Variants in PARG observed in about 807,000 individuals in gnomAD.
PARG encodes the protein poly(ADP-ribose) glycohydrolase.
A neutral mutation model predicts 113.0 loss-of-function variants in PARG; 35 were observed. That is an observed-to-expected ratio of 0.31 (90% confidence interval 0.24 to 0.41). The LOEUF is 0.41. Among genes scored for constraint, PARG ranks in the 10% least tolerant of loss-of-function variants. The pLI, the probability that PARG is intolerant of heterozygous loss-of-function variation, is 1.00. For missense variants in PARG, 797 were observed against 1,169.4 expected, an observed-to-expected ratio of 0.68 and a Z score of 4.64; for synonymous variants, 330 against 409.9, an observed-to-expected ratio of 0.81 and a Z score of 2.36.
chr10:49,877,041 T>C (rs1460838921), intron 9 of PARG, among the ~76,000 whole-genome samples: 1 of 149,672 alleles, frequency 6.7e-6, no homozygotes, highest in Non-Finnish European at 1.5e-5. Context: ...TTAGTGTTGA[T>C]AGTAGAGGGT....
chr10:49,894,248 C>G (rs1394620787), intron 7 of PARG, among the ~76,000 whole-genome samples: 2 of 148,268 alleles, frequency 1.3e-5, no homozygotes, highest in Non-Finnish European at 3.0e-5. Context: ...CCCTATGTTG[C>G]CCAGGTTGGC....
At chr10:49,912,696 G>T (rs782201121) in intron 7 of PARG, among the ~76,000 whole-genome samples, 1 of 152,094 alleles carries the variant, frequency 6.6e-6, no homozygotes, top group Non-Finnish European at 1.5e-5. Flanking sequence ...CAGGCACAGT[G>T]GCTCATGCCT....
chr10:49,843,417 GTA>G, intron 14 of PARG, 135 bp downstream of exon 14: 1 of 666,992 alleles, frequency 1.5e-6, no homozygotes, highest in Non-Finnish European at 2.7e-6. Context: ...CAATGAACCT[GTA>G]ATGCTGATTT....
chr10:49,878,621 AT>A (rs1198967949), intron 9 of PARG, among the ~76,000 whole-genome samples: 1 of 133,688 alleles, frequency 7.5e-6, no homozygotes, highest in Non-Finnish European at 1.7e-5. Flanking sequence ...CCGTCTTAAA[AT>A]TAAAAAAAAA....
At chr10:49,866,176 G>A (rs1446622147) in intron 10 of PARG, among the ~76,000 whole-genome samples, 2 of 152,094 alleles carry the variant, frequency 1.3e-5, no homozygotes, top group African/African-American at 4.8e-5. Flanking sequence ...TAATAAATCA[G>A]CTGGCCAGAA....
At chr10:49,905,943 TA>T (rs1294481816) in intron 7 of PARG, among the ~76,000 whole-genome samples, 3 of 151,362 alleles carry the variant, frequency 2.0e-5, no homozygotes, top group African/African-American at 7.3e-5. Flanking sequence ...GTTTGACTAG[TA>T]AATGGTTCAT....
Position 49,932,125 on chromosome 10 carries a change from G to C in PARG, c.1430C>G (p.Ser477Cys), listed in dbSNP as rs1554909939. The change falls in exon 4 of 18, where the codon TCT becomes TGT. Residue 477 changes from serine to cysteine, a missense_variant. By Grantham distance (112) the Ser-to-Cys change is moderately radical. This residue lies in a region of PARG where 252 missense variants were observed against 437.4 expected (regional missense o/e 0.58). Transcript: ENST00000616448. ...CCGAATAGTTACTGTGTGATTGGCA[G>C]ATGGTCTCAAGAGAGGCAGCCGGAT... The part of the protein sequence containing the change: ...CGIRLPLLRP[S>C]ANHTVTIRVD... 3 of 1,602,992 alleles carry C rather than the reference G, an allele frequency of 1.9e-6. No individual in the cohort carries two copies. The South Asian group carries it at 3.3e-5, about 18-fold the overall frequency.
intron 6 of PARG, among the ~76,000 whole-genome samples, chr10:49,919,139 C>A (rs1211552932): frequency 6.6e-6 from 1 of 152,146 alleles, no homozygotes; most frequent in African/African-American, 2.4e-5. Flanking sequence ...TGAGGTTTCA[C>A]CATGTTGGCC....
At chr10:49,873,499 G>C (rs1419242151) in intron 9 of PARG, among the ~76,000 whole-genome samples, 12 of 151,632 alleles carry the variant, frequency 7.9e-5, no homozygotes, top group African/African-American at 2.4e-4. Flanking sequence ...AACTGAGTTT[G>C]AGTAGAAGAC....
chr10:49,866,250 A>T (rs1475126329), intron 10 of PARG, among the ~76,000 whole-genome samples: 18 of 152,076 alleles, frequency 1.2e-4, no homozygotes, highest in Admixed American at 2.0e-4. Flanking sequence ...GTTTTCTTGA[A>T]TACAAAAAAG....
intron 10 of PARG, among the ~76,000 whole-genome samples, chr10:49,868,549 G>C (rs1554837327): frequency 1.3e-5 from 2 of 152,112 alleles, no homozygotes; most frequent in African/African-American, 4.8e-5. Flanking sequence ...ACACTGTAAT[G>C]CAAGAGTAAA....
chr10:49,891,590 CATATATATATATATATAT>C (rs1211471476), intron 7 of PARG, among the ~76,000 whole-genome samples: 2 of 48,624 alleles, frequency 4.1e-5, no homozygotes, highest in African/African-American at 1.2e-4. Context: ...TCCTATGGTC[CATATATATATATATATAT>C]ATATATATAT....
intron 7 of PARG, 87 bp downstream of exon 7, chr10:49,915,830 T>C (rs1837440384): frequency 5.7e-6 from 4 of 707,840 alleles, no homozygotes; most frequent in Non-Finnish European, 1.0e-5. Flanking sequence ...ATAATTATCT[T>C]AGTGTGGCAG....
At chr10:49,850,391 T>C (rs1554834037) in intron 13 of PARG, among the ~76,000 whole-genome samples, 1 of 151,052 alleles carries the variant, frequency 6.6e-6, no homozygotes, top group African/African-American at 2.4e-5. Flanking sequence ...ATAGAATTCC[T>C]TGGGAAACTA....
At chr10:49,862,221 T>C (rs1554836098) in intron 11 of PARG, among the ~76,000 whole-genome samples, 1 of 151,926 alleles carries the variant, frequency 6.6e-6, no homozygotes, top group African/African-American at 2.4e-5. Context: ...TTATTTTCTT[T>C]CCCTTTCAAC....
At chr10:49,849,308 C>T (rs1554833774) in intron 13 of PARG, among the ~76,000 whole-genome samples, 1 of 152,108 alleles carries the variant, frequency 6.6e-6, no homozygotes, top group Non-Finnish European at 1.5e-5. Context: ...GGCAAAACGA[C>T]GCTGAAGGAG....
At chr10:49,892,173 A>AT (rs1165140292) in intron 7 of PARG, among the ~76,000 whole-genome samples, 3 of 151,950 alleles carry the variant, frequency 2.0e-5, no homozygotes, top group Admixed American at 6.6e-5. Context: ...TCAATTTCGT[A>AT]TTTTTTCTCA....
chr10:49,880,066 GAATAT>G (rs1186273803), intron 8 of PARG, among the ~76,000 whole-genome samples: 15 of 151,252 alleles, frequency 9.9e-5, no homozygotes, highest in African/African-American at 3.4e-4. Flanking sequence ...ATAGTGAAGA[GAATAT>G]AAAACATTAC....
chr10:49,887,107 T>C (rs1847533154), intron 7 of PARG, among the ~76,000 whole-genome samples: 1 of 151,970 alleles, frequency 6.6e-6, no homozygotes, highest in Non-Finnish European at 1.5e-5. Flanking sequence ...TGGAGTGCTG[T>C]GGCATGACCA....
Sources: allele counts gnomAD v4.1 joint callset (sites outside exome capture counted in the v4.1 genomes callset), GRCh38; gene constraint gnomAD v4.1.1; regional missense constraint gnomAD v4.1.1; transcripts MANE v1.5; gene names NCBI Gene and HGNC (gene_info 2026-07-23, HGNC 2026-07-21).